Variants in MTSS1 observed in about 807,000 individuals in gnomAD.
MTSS1 encodes MTSS I-BAR domain containing 1, also known as protein MTSS 1.
A neutral mutation model predicts 79.0 loss-of-function variants in MTSS1; 18 were observed. That is an observed-to-expected ratio of 0.23 (90% CI 0.16 to 0.34). The LOEUF (loss-of-function observed/expected upper bound fraction) is 0.34, where lower values mean the gene tolerates loss of function less well. MTSS1 is among the 10% of genes least tolerant of loss of function. The pLI, the probability that MTSS1 is intolerant of heterozygous loss-of-function variation, is 1.00. For missense variants in MTSS1, 815 were observed against 986.2 expected (o/e 0.83, Z 2.33); for synonymous variants, 341 against 368.6 (o/e 0.93, Z 0.86).
At chr8:124,604,576 G>A (rs1213194088) in intron 3 of MTSS1, among the ~76,000 whole-genome samples, 2 of 151,888 alleles carry the variant, frequency 1.3e-5, no homozygotes, top group Admixed American at 6.6e-5. Flanking sequence ...AGAAAAACAT[G>A]CAGAAAATTT....
chr8:124,639,148 C>T (rs765595270), intron 3 of MTSS1, among the ~76,000 whole-genome samples: 1 of 152,074 alleles, frequency 6.6e-6, no homozygotes, highest in Non-Finnish European at 1.5e-5. Context: ...ACCAGCCTGG[C>T]CAACATGGTG....
chr8:124,726,230 C>T (rs1833683303), intron 1 of MTSS1, among the ~76,000 whole-genome samples: 1 of 152,214 alleles, frequency 6.6e-6, no homozygotes, highest in Non-Finnish European at 1.5e-5. Context: ...GGACAGCCCA[C>T]CCTTTGGGCA....
At chr8:124,577,552 G>C (rs1335042351) in intron 6 of MTSS1, 13 of 518,594 alleles carry the variant, frequency 2.5e-5, no homozygotes, top group South Asian at 1.7e-4. Flanking sequence ...GGAGATTTCT[G>C]AGTTAAATTC....
At chr8:124,571,792 C>T (rs1282302677) in intron 6 of MTSS1, among the ~76,000 whole-genome samples, 2 of 152,122 alleles carry the variant, frequency 1.3e-5, no homozygotes, top group Non-Finnish European at 1.5e-5. Flanking sequence ...GGTGAAACCC[C>T]GTCTCTACTA....
intron 6 of MTSS1, among the ~76,000 whole-genome samples, chr8:124,575,577 TG>T (rs1329961067): frequency 1.9e-4 from 23 of 118,368 alleles, no homozygotes; most frequent in Admixed American, 8.2e-4. Flanking sequence ...GTGGGTTTTT[TG>T]TTGTTGTTGT....
At chr8:124,688,071 C>G (rs1827277808) in intron 3 of MTSS1, among the ~76,000 whole-genome samples, 2 of 152,102 alleles carry the variant, frequency 1.3e-5, no homozygotes, top group South Asian at 4.1e-4. Context: ...GGAAATGCTG[C>G]AGATTACCAC....
intron 3 of MTSS1, among the ~76,000 whole-genome samples, chr8:124,632,279 CAAAA>C (rs59976165): frequency 1.4e-5 from 1 of 69,170 alleles, no homozygotes; most frequent in Non-Finnish European, 3.1e-5. Flanking sequence ...GACTCTGTCT[CAAAA>C]AAAAAAAAAA....
chr8:124,698,482 G>A (rs937441264), intron 3 of MTSS1, among the ~76,000 whole-genome samples: 1 of 151,618 alleles, frequency 6.6e-6, no homozygotes, highest in African/African-American at 2.4e-5. Flanking sequence ...GTCTGTTACT[G>A]GTAATGTTGC....
intron 3 of MTSS1, among the ~76,000 whole-genome samples, chr8:124,620,868 T>C (rs1248324657): frequency 6.6e-6 from 1 of 152,216 alleles, no homozygotes; most frequent in South Asian, 2.1e-4. Flanking sequence ...TGAGCTCTGA[T>C]AGAGCGAATG....
chr8:124,600,634 G>A (rs1833627925), intron 3 of MTSS1, among the ~76,000 whole-genome samples: 1 of 152,194 alleles, frequency 6.6e-6, no homozygotes, highest in Non-Finnish European at 1.5e-5. Context: ...AAATGTGGCT[G>A]GGCTGGGGCA....
At chr8:124,671,794 C>A (rs1296368618) in intron 3 of MTSS1, among the ~76,000 whole-genome samples, 3 of 152,214 alleles carry the variant, frequency 2.0e-5, no homozygotes, top group Admixed American at 6.5e-5. Flanking sequence ...CCAGGAAACA[C>A]ATACCATGAT....
At chr8:124,603,802 A>ATG (rs1252495945) in intron 3 of MTSS1, among the ~76,000 whole-genome samples, 11 of 152,330 alleles carry the variant, frequency 7.2e-5, no homozygotes, top group Admixed American at 2.6e-4. Flanking sequence ...CTGATACCTT[A>ATG]TGTTAGCCTT....
intron 3 of MTSS1, among the ~76,000 whole-genome samples, chr8:124,629,350 T>C (rs1191765130): frequency 2.0e-5 from 3 of 149,794 alleles, no homozygotes; most frequent in Admixed American, 2.0e-4. Context: ...CAGTCTCTAC[T>C]AAAAAAAATA....
At chr8:124,682,945 G>C (rs961408127) in intron 3 of MTSS1, among the ~76,000 whole-genome samples, 1 of 152,138 alleles carries the variant, frequency 6.6e-6, no homozygotes, top group Non-Finnish European at 1.5e-5. Flanking sequence ...TCTGAACCAG[G>C]CATAACCATT....
At chr8:124,663,400 C>T (rs1822456091) in intron 3 of MTSS1, among the ~76,000 whole-genome samples, 1 of 152,090 alleles carries the variant, frequency 6.6e-6, no homozygotes, top group Non-Finnish European at 1.5e-5. Context: ...CCACCAACCC[C>T]TGTGCTCACT....
At chr8:124,692,637 A>G (rs1006444765) in intron 3 of MTSS1, among the ~76,000 whole-genome samples, 24 of 152,172 alleles carry the variant, frequency 1.6e-4, no homozygotes, top group Admixed American at 6.5e-4. Flanking sequence ...TCCATGAAGC[A>G]GGGTGAGTGC....
chr8:124,581,861 C>T (rs1012645315), intron 6 of MTSS1, among the ~76,000 whole-genome samples: 1 of 152,176 alleles, frequency 6.6e-6, no homozygotes. Context: ...CAATGTAAAA[C>T]GCCTCTCATT....
intron 3 of MTSS1, among the ~76,000 whole-genome samples, chr8:124,665,856 A>T (rs1193390395): frequency 6.8e-6 from 1 of 147,174 alleles, no homozygotes; most frequent in Non-Finnish European, 1.5e-5. Context: ...AATACGAGTG[A>T]AACTCCTTCT....
At chr8:124,601,337 T>G (rs868439315) in intron 3 of MTSS1, among the ~76,000 whole-genome samples, 2 of 152,182 alleles carry the variant, frequency 1.3e-5, no homozygotes, top group Middle Eastern at 3.4e-3. Flanking sequence ...GCTGGGATTA[T>G]AGGCATGAGC....
Sources: allele counts gnomAD v4.1 joint callset (sites outside exome capture counted in the v4.1 genomes callset), GRCh38; gene constraint gnomAD v4.1.1; transcripts MANE v1.5; gene names NCBI Gene and HGNC (gene_info 2026-07-23, HGNC 2026-07-21).